TEK: variants seen among roughly 807,000 people sequenced by gnomAD.
TEK encodes angiopoietin-1 receptor.
In TEK, 43 loss-of-function variants were observed where a neutral mutation model predicts 131.8. The ratio of observed to expected loss-of-function variants is 0.33; its 90% confidence interval spans 0.26 to 0.42. TEK has a LOEUF of 0.42. Among genes scored for constraint, TEK ranks in the 10% least tolerant of loss-of-function variants. TEK has a pLI of 1.00. For missense variants in TEK, 1,162 were observed against 1,384.4 expected (o/e 0.84, Z 2.55); for synonymous variants, 580 against 491.6 (o/e 1.18, Z -2.38).
At position 27,192,605 on chromosome 9, in the gene TEK, T is replaced by C. The variant is rs1426916828; in HGVS notation, c.1606T>C (p.Phe536Leu). The change falls in exon 11 of 23, where the codon TTC becomes CTC. Residue 536 changes from phenylalanine (F) to leucine (L), a missense_variant. Phe to Leu is a conservative substitution (Grantham distance 22). Coordinates refer to ENST00000380036, the MANE Select transcript of TEK (RefSeq NM_000459.5). ...AGGGCATCCTGGACCTGTGAGACGC[T>C]TCACAACAGCTTCTATCGGTCAGTG... The part of the protein sequence containing the change: ...GEGHPGPVRR[F>L]TTASIGLPPP... 6.2e-7 allele frequency: 1 copy of C among 1,613,520 alleles called. No homozygotes were observed. The highest frequency in any genetic ancestry group is 1.7e-5 in the Admixed American group (1 of 59,980).
rs1458848984 is a variant in TEK at position 27,220,009 on chromosome 9, A to C, written c.3104-40A>C. ...CCCTGGACAGGAAGCATTGCTTTTC[A>C]TGCCAGAGAGGACTTAGAGTGGCAC... On this transcript the variant is annotated intron_variant, in intron 20 of 22. Transcript: ENST00000380036. 3 of 1,599,916 alleles carry C rather than the reference A, an allele frequency of 1.9e-6. No individual in the cohort carries two copies. The East Asian group carries it at 6.7e-5, about 36-fold the overall frequency.
intron 14 of TEK, 79 bp from the exon 15 acceptor site, chr9:27,206,503 G>A (rs2131214670): frequency 7.0e-7 from 1 of 1,428,166 alleles, no homozygotes; most frequent in African/African-American, 1.4e-5. Flanking sequence ...ATCTGGTGTG[G>A]ATGCCAACCA....
intron 7 of TEK, among the ~76,000 whole-genome samples, chr9:27,180,773 T>C (rs982669872): frequency 2.6e-5 from 4 of 152,204 alleles, no homozygotes; most frequent in Non-Finnish European, 5.9e-5. Flanking sequence ...GAAAAGATTA[T>C]GCTCAAAATG....
rs1006223278 is a variant in TEK, at chr9:27,158,736, T to G, written c.364+594T>G. Among the ~76,000 whole-genome samples, 6 of 151,630 alleles carry G rather than the reference T, an allele frequency of 4.0e-5. No homozygotes were observed. In the East Asian group the frequency reaches 1.2e-3, roughly 29 times the overall value. ...GTGCAGTGGCATGATTTTGGCTCACTGCAACCTCCGCCTCCCGGGTTCAAG... is the reference window on the plus strand; with the variant it reads ...GTGCAGTGGCATGATTTTGGCTCACGGCAACCTCCGCCTCCCGGGTTCAAG... On this transcript the variant is annotated intron_variant, in intron 2 of 22. Coordinates refer to ENST00000380036, the MANE Select transcript of TEK (RefSeq NM_000459.5).
chr9:27,203,943 C>G (rs1460488283), intron 13 of TEK, among the ~76,000 whole-genome samples: 1 of 152,216 alleles, frequency 6.6e-6, no homozygotes, highest in South Asian at 2.1e-4. Flanking sequence ...GTCGCTTTAA[C>G]AGTGCTGATT....
intron 1 of TEK, among the ~76,000 whole-genome samples, chr9:27,113,958 C>G (rs1172125216): frequency 6.6e-6 from 1 of 152,206 alleles, no homozygotes; most frequent in Non-Finnish European, 1.5e-5. Flanking sequence ...TGGCATCTTT[C>G]ATCTCTACTC....
Position 27,229,322 on chromosome 9 carries a change from G to A in TEK, c.*90G>A, listed in dbSNP as rs893638112. ...AGAAAACATGCCTCTGCCAAAGGAT[G>A]TGATATATAAGTGTACATATGTGCT... is the stretch of plus-strand genomic sequence containing the variant. On this transcript the variant is annotated 3_prime_UTR_variant, in exon 23 of 23. Coordinates refer to ENST00000380036, the MANE Select transcript of TEK (RefSeq NM_000459.5). 2 of 1,265,460 alleles carry A rather than the reference G, an allele frequency of 1.6e-6. No individual in the cohort carries two copies. Among genetic ancestry groups the A allele is most frequent in the Non-Finnish European group, 2.3e-6 (2 of 865,234 alleles). 78.4% of individuals were successfully genotyped at this position (1,265,460 alleles called of 1,614,324 possible).
intron 2 of TEK, among the ~76,000 whole-genome samples, chr9:27,161,781 A>G (rs779103618): frequency 1.3e-5 from 2 of 152,230 alleles, no homozygotes; most frequent in Non-Finnish European, 1.5e-5. Flanking sequence ...CAAGTTACTT[A>G]ATTGAAGTCA....
intron 6 of TEK, among the ~76,000 whole-genome samples, chr9:27,176,243 TC>T (rs1471670887): frequency 5.7e-4 from 87 of 152,280 alleles, no homozygotes; most frequent in African/African-American, 2.0e-3. Context: ...CTGGTTTCTA[TC>T]TGAGGAAATA....
At position 27,229,881 on chromosome 9, in the gene TEK, T is replaced by C. The variant is rs1406887627; in HGVS notation, c.*649T>C. ...CATCTAAAAATAGACTTAAATCTCA[T>C]TGCTTACAAGCCTAAGAATCTTTAG... On this transcript the variant is annotated 3_prime_UTR_variant, in exon 23 of 23. Transcript: ENST00000380036. The C allele has an allele frequency of 1.3e-5, 2 of 152,872 alleles. No individual in the cohort carries two copies. The highest frequency in any genetic ancestry group is 2.9e-5 in the Non-Finnish European group (2 of 68,514). 9.5% of individuals were successfully genotyped at this position (152,872 alleles called of 1,614,324 possible).
At chr9:27,202,760 A>G (rs1437440628) in intron 12 of TEK, 60 bp from the exon 13 acceptor site, 14 of 1,549,254 alleles carry the variant, frequency 9.0e-6, no homozygotes, top group Non-Finnish European at 1.2e-5. Context: ...TCTCAAAAGC[A>G]TAATGATCTA....
intron 15 of TEK, among the ~76,000 whole-genome samples, chr9:27,207,025 C>T (rs1825423028): frequency 6.6e-6 from 1 of 152,202 alleles, no homozygotes; most frequent in African/African-American, 2.4e-5. Context: ...GGATGAGATA[C>T]TATAGATTCT....
intron 7 of TEK, among the ~76,000 whole-genome samples, chr9:27,180,919 CT>C (rs1824344916): frequency 6.6e-6 from 1 of 152,046 alleles, no homozygotes; most frequent in Admixed American, 6.6e-5. Context: ...TAATGTTCAA[CT>C]TTTTAAAATG....
At chr9:27,149,805 G>A (rs1823058266) in intron 1 of TEK, among the ~76,000 whole-genome samples, 1 of 152,094 alleles carries the variant, frequency 6.6e-6, no homozygotes, top group African/African-American at 2.4e-5. Context: ...AGGGTAGTTG[G>A]GAACTTGGCA....
chr9:27,189,399 G>A (rs989021595), intron 9 of TEK, among the ~76,000 whole-genome samples: 7 of 152,190 alleles, frequency 4.6e-5, no homozygotes, highest in Admixed American at 1.3e-4. Flanking sequence ...ATCTCTTTAT[G>A]TACTATGGCT....
At chr9:27,200,584 A>ATAACCCCT (rs1456697142) in intron 12 of TEK, among the ~76,000 whole-genome samples, 1 of 145,296 alleles carries the variant, frequency 6.9e-6, no homozygotes, top group Non-Finnish European at 1.5e-5. Context: ...TTACCTGAAA[A>ATAACCCCT]TATTTGTTAA....
intron 1 of TEK, among the ~76,000 whole-genome samples, chr9:27,115,167 T>C (rs1011652011): frequency 2.0e-5 from 3 of 152,138 alleles, no homozygotes; most frequent in Non-Finnish European, 2.9e-5. Context: ...AAAGTTTTTA[T>C]TGGGTCCAAT....
At chr9:27,226,856 T>C (rs1221997808) in intron 21 of TEK, among the ~76,000 whole-genome samples, 1 of 152,172 alleles carries the variant, frequency 6.6e-6, no homozygotes, top group Non-Finnish European at 1.5e-5. Flanking sequence ...CTATCCGTGG[T>C]AGAAGCTAAC....
Position 27,197,530 on chromosome 9 carries a change from C to T in TEK, c.1840C>T (p.Arg614Ter), listed in dbSNP as rs1825073624. 2.5e-6 allele frequency: 4 copies of T among 1,613,906 alleles called. No individual in the cohort carries two copies. The highest frequency in any genetic ancestry group is 1.7e-5 in the Admixed American group (1 of 59,980). Residue 614 changes from arginine to a stop codon, truncating the protein, a stop_gained, in exon 12 of 23, where the codon CGA (arginine) becomes TGA (stop). Transcript: ENST00000380036. LOFTEE classifies it high-confidence loss of function. The stretch of plus-strand genomic sequence containing the variant: ...ACATCCCAGGGAGCAGTACGTGGTC[C>T]GAGCTAGAGTCAACACCAAGGCCCA... The part of the protein sequence containing the change: ...NLHPREQYVV[R>*]ARVNTKAQGE...
Sources: allele counts gnomAD v4.1 joint callset (sites outside exome capture counted in the v4.1 genomes callset), GRCh38; gene constraint gnomAD v4.1.1; transcripts MANE v1.5; gene names NCBI Gene and HGNC (gene_info 2026-07-23, HGNC 2026-07-21).